Variants in VDAC1 observed in about 807,000 individuals in gnomAD.
VDAC1 encodes the protein voltage dependent anion channel 1, also known as non-selective voltage-gated ion channel VDAC1.
Under a neutral mutation model 34.7 loss-of-function variants are expected in VDAC1, and 10 were observed. That is an observed-to-expected ratio of 0.29 (90% confidence interval 0.18 to 0.49). The LOEUF (loss-of-function observed/expected upper bound fraction) is 0.49. VDAC1 is among the 20% of genes least tolerant of loss of function. The probability of loss-of-function intolerance (pLI) is 0.99; values close to 1 mark genes in which losing one functional copy is unlikely to be tolerated. For missense variants in VDAC1, 230 were observed against 347.9 expected, an observed-to-expected ratio of 0.66 and a Z score of 2.69; for synonymous variants, 130 against 136.0, an observed-to-expected ratio of 0.96 and a Z score of 0.30.
chr5:134,026,740 T>A, the VDAC1 span, among the ~76,000 whole-genome samples: 1 of 151,952 alleles, frequency 6.6e-6, no homozygotes, highest in Non-Finnish European at 1.5e-5. Context: ...ATGGGTGCAC[T>A]CCCACCTACT....
At chr5:134,072,035 C>G in the VDAC1 span, among the ~76,000 whole-genome samples, 1 of 152,228 alleles carries the variant, frequency 6.6e-6, no homozygotes, top group East Asian at 1.9e-4. Flanking sequence ...TCCAGTCCCC[C>G]ACAGCAGCAG....
At chr5:134,028,715 C>T in the VDAC1 span, among the ~76,000 whole-genome samples, 651 of 152,262 alleles carry the variant, frequency 4.3e-3, 5 homozygotes, top group African/African-American at 0.015. Context: ...AGGGACCTTG[C>T]GGCCAGCCAA....
chr5:134,011,422 G>T, the VDAC1 span, among the ~76,000 whole-genome samples: 1 of 151,776 alleles, frequency 6.6e-6, no homozygotes, highest in East Asian at 1.9e-4. Context: ...TATTTATCTG[G>T]CGTAACTAAA....
At chr5:134,009,451 G>A (rs372042014), upstream of VDAC1, among the ~76,000 whole-genome samples, 1 of 151,376 alleles carries the variant, frequency 6.6e-6, no homozygotes, top group Non-Finnish European at 1.5e-5. Flanking sequence ...TAGAGATGGG[G>A]TTTCACCATG....
At chr5:134,039,392 A>T in the VDAC1 span, among the ~76,000 whole-genome samples, 1 of 152,038 alleles carries the variant, frequency 6.6e-6, no homozygotes, top group Admixed American at 6.6e-5. Flanking sequence ...GCAGTGGCGC[A>T]ATCTCGGCTC....
the VDAC1 span, among the ~76,000 whole-genome samples, chr5:134,101,154 CAT>C: frequency 5.3e-5 from 8 of 152,264 alleles, no homozygotes; most frequent in African/African-American, 1.9e-4. Context: ...GCTCCTGACA[CAT>C]GTCTGGATTT....
the VDAC1 span, among the ~76,000 whole-genome samples, chr5:134,093,359 G>A: frequency 9.0e-6 from 1 of 111,402 alleles, no homozygotes; most frequent in Admixed American, 9.7e-5. Flanking sequence ...ACGCATATAA[G>A]TGTGTGTGTG....
the VDAC1 span, among the ~76,000 whole-genome samples, chr5:134,086,513 A>G: frequency 1.3e-5 from 2 of 152,204 alleles, no homozygotes; most frequent in Non-Finnish European, 2.9e-5. Context: ...AGTCTTTTTA[A>G]TTAAGGAAAA....
At chr5:134,018,101 A>G in the VDAC1 span, among the ~76,000 whole-genome samples, 10 of 152,176 alleles carry the variant, frequency 6.6e-5, no homozygotes, top group Admixed American at 1.3e-4. Flanking sequence ...TAACTGGCTC[A>G]TGGTTCTTCT....
chr5:133,982,160 A>C (rs539200246), intron 5 of VDAC1, among the ~76,000 whole-genome samples: 2 of 152,356 alleles, frequency 1.3e-5, no homozygotes, highest in South Asian at 2.1e-4. Flanking sequence ...GAGCCTCAAT[A>C]AGAAAAATAT....
chr5:134,101,296 A>C, the VDAC1 span, among the ~76,000 whole-genome samples: 1 of 152,156 alleles, frequency 6.6e-6, no homozygotes, highest in Non-Finnish European at 1.5e-5. Flanking sequence ...GTTAATTAAG[A>C]AACACAGGAT....
the VDAC1 span, among the ~76,000 whole-genome samples, chr5:134,083,737 A>G: frequency 6.6e-6 from 1 of 152,236 alleles, no homozygotes; most frequent in Non-Finnish European, 1.5e-5. Flanking sequence ...GGTGTGGAGC[A>G]GACAGGATGC....
Position 133,972,756 on chromosome 5 carries a change from T to C in VDAC1, c.*15A>G, listed in dbSNP as rs765271456. The C allele has an allele frequency of 1.2e-5, 17 of 1,467,004 alleles. No homozygotes were observed. Among genetic ancestry groups the C allele is most frequent in the Admixed American group, 1.7e-5 (1 of 57,860 alleles). The allele number at this position is 1,467,004 out of a possible 1,614,324, so 90.9% of individuals were successfully genotyped here. On this transcript the variant is annotated 3_prime_UTR_variant, in exon 9 of 9. Coordinates refer to ENST00000265333, the MANE Select transcript of VDAC1 (RefSeq NM_003374.3). ...TGCAAAATAGTTTAAAATTAAACAATTGTACAGTATTCATTTATGCTTGAA... is the reference window on the plus strand; with the variant it reads ...TGCAAAATAGTTTAAAATTAAACAACTGTACAGTATTCATTTATGCTTGAA...
upstream of VDAC1, among the ~76,000 whole-genome samples, chr5:134,007,622 G>A (rs894520229): frequency 1.3e-5 from 2 of 152,110 alleles, no homozygotes; most frequent in Non-Finnish European, 2.9e-5. Flanking sequence ...AGGTCAATCA[G>A]ATCCTCTCTT....
intron 5 of VDAC1, chr5:133,988,700 G>T (rs1414353383): frequency 2.0e-5 from 3 of 151,256 alleles, no homozygotes; most frequent in Admixed American, 6.6e-5. Flanking sequence ...GGAGGAGGAG[G>T]TTGCAGTGAG....
the VDAC1 span, among the ~76,000 whole-genome samples, chr5:134,061,804 T>C: frequency 2.6e-5 from 4 of 151,952 alleles, no homozygotes; most frequent in East Asian, 7.7e-4. Flanking sequence ...AGCACAATGT[T>C]GAGTGGTATC....
the VDAC1 span, among the ~76,000 whole-genome samples, chr5:134,024,974 C>T: frequency 2.0e-5 from 3 of 152,256 alleles, no homozygotes; most frequent in Non-Finnish European, 4.4e-5. Flanking sequence ...TGAAGGCAGC[C>T]ACATGCATGG....
At chr5:134,078,040 A>T in the VDAC1 span, among the ~76,000 whole-genome samples, 68 of 152,332 alleles carry the variant, frequency 4.5e-4, no homozygotes, top group African/African-American at 1.5e-3. Flanking sequence ...CACATGCTAC[A>T]AACTGCTTCC....
chr5:134,052,926 A>G, the VDAC1 span, among the ~76,000 whole-genome samples: 3 of 151,946 alleles, frequency 2.0e-5, no homozygotes, highest in East Asian at 5.8e-4. Flanking sequence ...GACCAGCCTG[A>G]CCAATATGGT....
Sources: gnomAD v4.1 joint callset for allele counts (sites outside exome capture counted in the v4.1 genomes callset) on GRCh38, gnomAD v4.1.1 for gene constraint, MANE v1.5 for transcripts, NCBI Gene and HGNC (gene_info 2026-07-23, HGNC 2026-07-21) for gene names.